CSMD1: variants seen among roughly 807,000 people sequenced by gnomAD.
CSMD1 encodes CUB and Sushi multiple domains 1, also known as CUB and sushi domain-containing protein 1.
Under a neutral mutation model 417.5 loss-of-function variants are expected in CSMD1, and 213 were observed. The observed-to-expected ratio is 0.51, with a 90% CI of 0.46 to 0.57. CSMD1 has a LOEUF of 0.57. CSMD1 is among the 20% of genes least tolerant of loss of function. The probability of loss-of-function intolerance (pLI) is 0.00; values close to 1 mark genes in which losing one functional copy is unlikely to be tolerated. For synonymous variants in CSMD1, 2,862 were observed against 1,736.8 expected, an observed-to-expected ratio of 1.65 and a Z score of -16.11; for missense variants, 6,923 against 4,529.7, an observed-to-expected ratio of 1.53 and a Z score of -15.17.
chr8:4,569,295 T>C (rs1798768197), intron 2 of CSMD1, among the ~76,000 whole-genome samples: 6 of 152,252 alleles, frequency 3.9e-5, no homozygotes, highest in Admixed American at 3.3e-4. Context: ...TTTAAGTCTT[T>C]AATCCATCTT....
intron 11 of CSMD1, among the ~76,000 whole-genome samples, chr8:3,478,582 G>C (rs1202698173): frequency 6.6e-6 from 1 of 152,138 alleles, no homozygotes; most frequent in Non-Finnish European, 1.5e-5. Flanking sequence ...GTGACTTGTG[G>C]CCGATCACAA....
intron 4 of CSMD1, among the ~76,000 whole-genome samples, chr8:4,006,437 G>C (rs763598596): frequency 6.6e-6 from 1 of 152,140 alleles, no homozygotes; most frequent in African/African-American, 2.4e-5. Flanking sequence ...CCAGCTTCTT[G>C]GGAGGCTGAG....
chr8:3,363,627 A>C (rs1424507781), intron 20 of CSMD1, among the ~76,000 whole-genome samples: 1 of 152,000 alleles, frequency 6.6e-6, no homozygotes, highest in African/African-American at 2.4e-5. Context: ...TCCCGGGTTC[A>C]CTCCATTCTC....
intron 3 of CSMD1, among the ~76,000 whole-genome samples, chr8:4,185,602 G>C (rs970667582): frequency 6.6e-6 from 1 of 152,122 alleles, no homozygotes; most frequent in Non-Finnish European, 1.5e-5. Flanking sequence ...TAAATGTGCT[G>C]ATTTATGAAA....
At position 3,262,228 on chromosome 8, in the gene CSMD1, T is replaced by TACAC. The variant is rs1417438391; in HGVS notation, c.4153+21915_4153+21916insGTGT. ...ATATATATATATATATATATATATA[T>TACAC]ATACACACACATAGTTAATTTCAAA... On this transcript the variant is annotated intron_variant, in intron 26 of 69. Coordinates refer to ENST00000635120, the MANE Select transcript of CSMD1 (RefSeq NM_033225.6). Among the ~76,000 whole-genome samples the TACAC allele has an allele frequency of 4.3e-3, 334 of 78,154 alleles. 11 individuals are homozygous for TACAC. The highest frequency in any genetic ancestry group is 6.1e-3 in the Non-Finnish European group (224 of 36,730). 51.3% of individuals were successfully genotyped at this position (78,154 alleles called of 152,430 possible). A position where few individuals can be genotyped will look rare whatever the true frequency, so the allele number is the denominator to read the frequency against.
At chr8:3,955,960 ATTGT>A (rs1479092116) in intron 5 of CSMD1, among the ~76,000 whole-genome samples, 2 of 152,014 alleles carry the variant, frequency 1.3e-5, no homozygotes, top group African/African-American at 2.4e-5. Flanking sequence ...CGCCCAACTA[ATTGT>A]TTGTATTTTT....
chr8:3,978,696 T>C (rs1008770711), intron 5 of CSMD1, among the ~76,000 whole-genome samples: 2 of 152,260 alleles, frequency 1.3e-5, no homozygotes, highest in East Asian at 3.9e-4. Flanking sequence ...GCTCTACTTA[T>C]CACTAATTGA....
chr8:4,778,252 C>T (rs1405805011), intron 1 of CSMD1, among the ~76,000 whole-genome samples: 1 of 152,128 alleles, frequency 6.6e-6, no homozygotes, highest in Non-Finnish European at 1.5e-5. Flanking sequence ...TATCAGACAT[C>T]AGCAAACTGT....
intron 8 of CSMD1, among the ~76,000 whole-genome samples, chr8:3,603,537 A>C (rs369777639): frequency 6.6e-6 from 1 of 152,136 alleles, no homozygotes; most frequent in Non-Finnish European, 1.5e-5. Context: ...AGAAATGAAC[A>C]CTGGTTCAAG....
intron 23 of CSMD1, among the ~76,000 whole-genome samples, chr8:3,342,172 G>C (rs1440407512): frequency 1.3e-5 from 2 of 152,084 alleles, no homozygotes; most frequent in Non-Finnish European, 2.9e-5. Context: ...CATGATTTCA[G>C]CCACACTTAT....
chr8:4,408,175 G>C (rs1412997010), intron 3 of CSMD1, among the ~76,000 whole-genome samples: 1 of 152,232 alleles, frequency 6.6e-6, no homozygotes, highest in Non-Finnish European at 1.5e-5. Context: ...AGCTTAGTCA[G>C]ATGTATACAA....
chr8:4,929,710 G>A (rs1807114228), intron 1 of CSMD1, among the ~76,000 whole-genome samples: 1 of 151,954 alleles, frequency 6.6e-6, no homozygotes, highest in Non-Finnish European at 1.5e-5. Context: ...TATTTTTTCT[G>A]GAGCCCGCAC....
intron 41 of CSMD1, among the ~76,000 whole-genome samples, chr8:3,134,075 G>C (rs956561652): frequency 3.3e-5 from 5 of 152,134 alleles, no homozygotes. Flanking sequence ...CTACTCAGGA[G>C]GCAGGAGAAT....
At chr8:4,720,452 C>G (rs757463699) in intron 1 of CSMD1, among the ~76,000 whole-genome samples, 14 of 152,228 alleles carry the variant, frequency 9.2e-5, no homozygotes, top group African/African-American at 3.1e-4. Context: ...GAGTCTTGCT[C>G]TGTCACTCAT....
rs547798532 is a variant in CSMD1 at position 4,261,583 on chromosome 8, T to C, written c.415+158370A>G. On this transcript the variant is annotated intron_variant, in intron 3 of 69. Transcript: ENST00000635120. Reference sequence around the variant, plus strand: ...TTATTTATTTTATTTTACCTATTTATTTATTTTATAGAGATGAGGTCTTGC... The same window carrying C: ...TTATTTATTTTATTTTACCTATTTACTTATTTTATAGAGATGAGGTCTTGC... 2.6e-5 allele frequency among the ~76,000 whole-genome samples: 4 copies of C among 152,252 alleles called. No homozygotes were observed. In the South Asian group the frequency reaches 8.3e-4, roughly 32 times the overall value.
At chr8:4,876,327 T>C (rs1022832829) in intron 1 of CSMD1, among the ~76,000 whole-genome samples, 10 of 152,056 alleles carry the variant, frequency 6.6e-5, no homozygotes, top group African/African-American at 2.4e-4. Flanking sequence ...GCAACAGAAT[T>C]AACTTAAAAT....
intron 12 of CSMD1, among the ~76,000 whole-genome samples, chr8:3,417,486 T>A (rs997770747): frequency 6.6e-6 from 1 of 152,216 alleles, no homozygotes; most frequent in African/African-American, 2.4e-5. Context: ...TTTTTTCTCA[T>A]GTGCTATTTG....
chr8:3,179,159 AC>A (rs67594606), intron 37 of CSMD1, among the ~76,000 whole-genome samples: 8,315 of 151,206 alleles, frequency 0.055, 385 homozygotes, highest in Non-Finnish European at 0.078. Context: ...GTTAGCCAGG[AC>A]TGTCTCGATC....
intron 10 of CSMD1, among the ~76,000 whole-genome samples, chr8:3,573,512 C>T (rs182212749): frequency 9.8e-5 from 15 of 152,298 alleles, no homozygotes; most frequent in Admixed American, 2.6e-4. Context: ...AAGCCTGCAA[C>T]GCCCTGGAGT....
Sources: allele counts gnomAD v4.1 joint callset (sites outside exome capture counted in the v4.1 genomes callset), GRCh38; gene constraint gnomAD v4.1.1; transcripts MANE v1.5; gene names NCBI Gene and HGNC (gene_info 2026-07-23, HGNC 2026-07-21).